MTA1: variants seen among roughly 807,000 people sequenced by gnomAD.
MTA1 encodes the protein metastasis associated 1, also known as metastasis-associated protein MTA1.
MTA1 carries 15 observed loss-of-function variants against 97.0 expected under a neutral mutation model. The ratio of observed to expected loss-of-function variants is 0.15; its 90% CI spans 0.10 to 0.24. MTA1 has a LOEUF of 0.24. Ranked by LOEUF, MTA1 falls within the 10% of genes least tolerant of loss-of-function variation. The probability of loss-of-function intolerance (pLI) is 1.00; values close to 1 mark genes in which losing one functional copy is unlikely to be tolerated. For missense variants in MTA1, 709 were observed against 1,015.1 expected (o/e 0.70, Z 4.10); for synonymous variants, 435 against 417.5 (o/e 1.04, Z -0.51).
chr14:105,446,885 C>T (rs1199722866), intron 3 of MTA1, among the ~76,000 whole-genome samples: 2 of 152,162 alleles, frequency 1.3e-5, no homozygotes, highest in African/African-American at 4.8e-5. Context: ...AGGAACTGGA[C>T]CTCCTAGCTC....
intron 1 of MTA1, among the ~76,000 whole-genome samples, chr14:105,437,799 C>CTCAG (rs1555424792): frequency 6.6e-6 from 1 of 152,206 alleles, no homozygotes; most frequent in East Asian, 1.9e-4. Flanking sequence ...AGGACATGGC[C>CTCAG]TCAGTGCCTC....
rs780472702 is a variant in MTA1 at position 105,458,365 on chromosome 14, G to A, written c.646G>A (p.Val216Met). Residue 216 changes from valine (V) to methionine (M), a missense_variant, in exon 8 of 21, where the codon GTG (valine) becomes ATG (methionine). This residue lies in a region of MTA1 where 321 missense variants were observed against 593.5 expected (regional missense o/e 0.54). Coordinates refer to ENST00000331320, the MANE Select transcript of MTA1 (RefSeq NM_004689.4). ...CAAGCAGATCGACCAGTTCCTGGTGGTGGCCCGGTGAGTCCTGCTCCTGGG... is the reference window on the plus strand; with the variant it reads ...CAAGCAGATCGACCAGTTCCTGGTGATGGCCCGGTGAGTCCTGCTCCTGGG... ...TDKQIDQFLV[V>M]ARSVGTFARA... is the part of the protein sequence containing the mutation. 15 of 1,612,486 alleles carry A rather than the reference G, an allele frequency of 9.3e-6. No homozygotes were observed. The highest frequency in any genetic ancestry group is 1.3e-5 in the African/African-American group (1 of 74,910).
intron 2 of MTA1, 61 bp from the exon 3 acceptor site, chr14:105,445,357 T>G: frequency 1.3e-6 from 2 of 1,520,238 alleles, no homozygotes; most frequent in Non-Finnish European, 1.8e-6. Context: ...GAGCCCCTCC[T>G]GGGAGCTGTG....
intron 2 of MTA1, among the ~76,000 whole-genome samples, chr14:105,442,528 C>G (rs1451177943): frequency 6.6e-6 from 1 of 152,196 alleles, no homozygotes; most frequent in Non-Finnish European, 1.5e-5. Context: ...AAAAACTAGG[C>G]AAGTGGAGAA....
At chr14:105,431,432 A>C (rs782431737) in intron 1 of MTA1, among the ~76,000 whole-genome samples, 2 of 152,244 alleles carry the variant, frequency 1.3e-5, no homozygotes, top group African/African-American at 4.8e-5. Flanking sequence ...AATAGAAGCC[A>C]CAAGTAACCA....
rs782314611 is a variant in MTA1, at chr14:105,445,492, C to G, written c.171C>G (p.Ala57=). 8.1e-6 allele frequency: 13 copies of G among 1,613,326 alleles called. No homozygotes were observed. The highest frequency in any genetic ancestry group is 1.0e-5 in the Non-Finnish European group (12 of 1,179,946). Residue 57 remains alanine, a synonymous_variant, in exon 3 of 21, where the codon GCC becomes GCG. Coordinates refer to ENST00000331320, the MANE Select transcript of MTA1 (RefSeq NM_004689.4). ...RRRDISSTLI[A]LADKHATLSV... is the part of the protein sequence containing the mutation. ...GGGACATCTCCAGCACCCTCATCGC[C>G]CTGGCCGACAAGCACGCAAGTGAGT...
rs1566991265 is a variant in MTA1 at position 105,420,806 on chromosome 14, G to T, written c.28+743G>T. On this transcript the variant is annotated intron_variant, in intron 1 of 20. Coordinates refer to ENST00000331320, the MANE Select transcript of MTA1 (RefSeq NM_004689.4). This position sits in a 1 kb window ranked among gnomAD's most constrained non-coding sequence, Gnocchi z 5.3. ...GCAGCTTTGAGCCTTGCCCTCCTTC[G>T]TGTGCCTGGGACTCCGTGGGGTCTT... is the stretch of plus-strand genomic sequence containing the variant. 6.6e-6 allele frequency among the ~76,000 whole-genome samples: 1 copy of T among 152,170 alleles called. No individual in the cohort carries two copies. The highest frequency in any genetic ancestry group is 6.5e-5 in the Admixed American group (1 of 15,288).
intron 1 of MTA1, among the ~76,000 whole-genome samples, chr14:105,427,297 C>T (rs1005359872): frequency 6.6e-6 from 1 of 152,240 alleles, no homozygotes; most frequent in Admixed American, 6.5e-5. Context: ...GCCACTGCTC[C>T]CATGTTGGAA....
At chr14:105,465,427 C>T (rs1555432511) in intron 16 of MTA1, 2 of 354,570 alleles carry the variant, frequency 5.6e-6, no homozygotes, top group Non-Finnish European at 1.0e-5. Context: ...GCCGCCCTGT[C>T]TTCTGCGGGG....
rs587736328 is a variant in MTA1, at chr14:105,466,443, C to A, written c.1642C>A (p.Pro548Thr). The A allele has an allele frequency of 1.2e-5, 19 of 1,588,196 alleles. No homozygotes were observed. Among genetic ancestry groups the A allele is most frequent in the South Asian group, 2.2e-5 (2 of 89,746 alleles). ...CCCGGCAGAGACCCACCCCCGCCCC[C>A]CCAAGCCTGACCCCGTGAAAAGCGT... ...LRYLETHPRP[P>T]KPDPVKSVSS... Residue 548 changes from proline to threonine, a missense_variant, in exon 17 of 21, where the codon CCC becomes ACC. Physicochemically the swap from Pro to Thr is conservative, Grantham distance 38 (BLOSUM62 -1). Around this residue, in one of 2 missense-constraint regions of MTA1, gnomAD observed 388 missense variants for 421.6 expected, o/e 0.92. Transcript: ENST00000331320.
intron 1 of MTA1, among the ~76,000 whole-genome samples, chr14:105,435,388 C>T (rs1555424193): frequency 6.6e-6 from 1 of 152,174 alleles, no homozygotes; most frequent in Non-Finnish European, 1.5e-5. Flanking sequence ...TGGGCTTAAG[C>T]GATCCTTCTG....
chr14:105,429,486 CTG>C (rs587690239), intron 1 of MTA1, among the ~76,000 whole-genome samples: 2 of 150,148 alleles, frequency 1.3e-5, no homozygotes, highest in African/African-American at 4.9e-5. Context: ...GAGTCTCCCT[CTG>C]TCACCCAGGC....
chr14:105,432,858 C>T (rs2082216628), intron 1 of MTA1, among the ~76,000 whole-genome samples: 1 of 152,194 alleles, frequency 6.6e-6, no homozygotes, highest in Non-Finnish European at 1.5e-5. Flanking sequence ...TTTCTGGGCT[C>T]ACACTGTGGT....
At chr14:105,467,097 G>A (rs961815616) in intron 18 of MTA1, 5 of 437,614 alleles carry the variant, frequency 1.1e-5, no homozygotes, top group Admixed American at 3.9e-5. Flanking sequence ...CAATCCTTCC[G>A]TGCGCCTGCC....
chr14:105,438,833 T>C, intron 2 of MTA1, 94 bp downstream of exon 2: 1 of 1,312,310 alleles, frequency 7.6e-7, no homozygotes. Flanking sequence ...TGGCCCCCTT[T>C]CGGGGCTGAT....
chr14:105,429,342 G>A (rs587607006), intron 1 of MTA1, among the ~76,000 whole-genome samples: 1 of 152,298 alleles, frequency 6.6e-6, no homozygotes, highest in East Asian at 1.9e-4. Flanking sequence ...CTGGAGTGCG[G>A]TGGCACGATC....
chr14:105,419,979 C>G lies in MTA1; in HGVS notation c.-57C>G. ...CGCCATCGCGCCTCCATTTTCCCGGCCGCCCGCGCCGAGCGCCGCGCCCGC... is the reference window on the plus strand; with the variant it reads ...CGCCATCGCGCCTCCATTTTCCCGGGCGCCCGCGCCGAGCGCCGCGCCCGC... On this transcript the variant is annotated 5_prime_UTR_variant, in exon 1 of 21. Transcript: ENST00000331320. 1.1e-6 allele frequency: 1 copy of G among 944,754 alleles called. No homozygotes were observed. The highest frequency in any genetic ancestry group is 1.3e-6 in the Non-Finnish European group (1 of 791,754). 58.5% of individuals were successfully genotyped at this position (944,754 alleles called of 1,614,324 possible).
intron 2 of MTA1, among the ~76,000 whole-genome samples, chr14:105,442,718 T>C (rs1171256902): frequency 1.3e-5 from 2 of 152,092 alleles, no homozygotes; most frequent in African/African-American, 4.8e-5. Flanking sequence ...CGAGTGTGAC[T>C]GAGTCCGCTG....
At chr14:105,425,209 G>C (rs1312151451) in intron 1 of MTA1, among the ~76,000 whole-genome samples, 1 of 152,236 alleles carries the variant, frequency 6.6e-6, no homozygotes, top group African/African-American at 2.4e-5. Flanking sequence ...CCCAGGAGGA[G>C]CCCACCCTGA....
Sources: allele counts gnomAD v4.1 joint callset (sites outside exome capture counted in the v4.1 genomes callset), GRCh38; gene constraint gnomAD v4.1.1; regional missense constraint gnomAD v4.1.1; non-coding constraint Gnocchi (gnomAD v3.1); transcripts MANE v1.5; gene names NCBI Gene and HGNC (gene_info 2026-07-23, HGNC 2026-07-21).